Variants in TENM4 observed in about 807,000 individuals in gnomAD.
TENM4 encodes teneurin-4.
In TENM4, 82 loss-of-function variants were observed where a neutral mutation model predicts 243.3. The observed-to-expected ratio is 0.34, with a 90% CI of 0.28 to 0.40. The LOEUF (loss-of-function observed/expected upper bound fraction) is 0.40, where lower values mean the gene tolerates loss of function less well. TENM4 is among the 10% of genes least tolerant of loss of function. The pLI, the probability that TENM4 is intolerant of heterozygous loss-of-function variation, is 1.00. For missense variants in TENM4, 3,138 were observed against 3,673.3 expected, an observed-to-expected ratio of 0.85 and a Z score of 3.77; for synonymous variants, 1,412 against 1,456.3, an observed-to-expected ratio of 0.97 and a Z score of 0.69.
chr11:78,768,975 C>T (rs1037119693), intron 18 of TENM4, among the ~76,000 whole-genome samples: 9 of 152,212 alleles, frequency 5.9e-5, no homozygotes, highest in Non-Finnish European at 8.8e-5. Flanking sequence ...CTATAACCTA[C>T]GCTTGTATGT....
chr11:78,824,117 G>A lies in TENM4; in HGVS notation c.1682-9722C>T, dbSNP rs977636578. 4.6e-5 allele frequency among the ~76,000 whole-genome samples: 7 copies of A among 152,078 alleles called. No homozygotes were observed. In the East Asian group the frequency reaches 9.7e-4, roughly 21 times the overall value. Reference sequence around the variant, plus strand: ...TCTACCATACCACAACTGCCAATCCGGTTAAAAAAATAAAAGCATGCTGTA... The same window carrying A: ...TCTACCATACCACAACTGCCAATCCAGTTAAAAAAATAAAAGCATGCTGTA... On this transcript the variant is annotated intron_variant, in intron 12 of 33. Transcript: ENST00000278550.
chr11:78,863,479 A>G (rs1280029386), intron 9 of TENM4, among the ~76,000 whole-genome samples: 2 of 152,248 alleles, frequency 1.3e-5, no homozygotes, highest in Admixed American at 1.3e-4. Flanking sequence ...ACGCAAAAAT[A>G]ACTTGTACAA....
At position 78,965,616 on chromosome 11, in the gene TENM4, G is replaced by A. The variant is rs376614316; in HGVS notation, c.494-62093C>T. Reference sequence around the variant, plus strand: ...GTTCCAGAACTAAGTAAATTGTTCCGTCATAAACTTCAGAAGCCCTGGGGT... The same window carrying A: ...GTTCCAGAACTAAGTAAATTGTTCCATCATAAACTTCAGAAGCCCTGGGGT... On this transcript the variant is annotated intron_variant, in intron 6 of 33. Coordinates refer to ENST00000278550, the MANE Select transcript of TENM4 (RefSeq NM_001098816.3). Among the ~76,000 whole-genome samples the A allele has an allele frequency of 1.8e-4, 28 of 152,266 alleles. No individual in the cohort carries two copies. In the South Asian group the frequency reaches 3.9e-3, roughly 21 times the overall value.
chr11:79,335,011 G>C (rs1258864133), intron 1 of TENM4, among the ~76,000 whole-genome samples: 2 of 152,162 alleles, frequency 1.3e-5, no homozygotes, highest in African/African-American at 4.8e-5. Flanking sequence ...TCAAAGCCTA[G>C]CTCAGCTTAC....
At chr11:78,728,177 G>A (rs1218787320) in intron 22 of TENM4, among the ~76,000 whole-genome samples, 1 of 152,232 alleles carries the variant, frequency 6.6e-6, no homozygotes, top group Admixed American at 6.5e-5. Context: ...AACAGTGAGA[G>A]ATGGCACCTT....
chr11:78,689,611 C>T (rs866537770), intron 28 of TENM4, among the ~76,000 whole-genome samples: 5 of 152,274 alleles, frequency 3.3e-5, no homozygotes, highest in Middle Eastern at 3.4e-3. Context: ...CTGGGCCTGG[C>T]TTCTTGCTGG....
intron 5 of TENM4, among the ~76,000 whole-genome samples, chr11:79,065,522 C>T (rs1591255134): frequency 6.6e-6 from 1 of 152,322 alleles, no homozygotes; most frequent in East Asian, 1.9e-4. Context: ...CCAGGGAGGA[C>T]TTTTCAGCAA....
chr11:79,124,705 T>A (rs1167996776), intron 4 of TENM4, among the ~76,000 whole-genome samples: 2 of 134,400 alleles, frequency 1.5e-5, no homozygotes, highest in Non-Finnish European at 3.1e-5. Context: ...CTAGAACCAC[T>A]CCTGGTACCA....
intron 12 of TENM4, among the ~76,000 whole-genome samples, chr11:78,816,885 G>A (rs1857614990): frequency 6.6e-6 from 1 of 152,196 alleles, no homozygotes; most frequent in South Asian, 2.1e-4. Context: ...CTGGAGGTAA[G>A]AAAACCTAGT....
chr11:79,215,982 C>G, intron 2 of TENM4, 73 bp from the exon 3 acceptor site: 1 of 401,400 alleles, frequency 2.5e-6, no homozygotes, highest in Non-Finnish European at 3.4e-6. Context: ...ACAGACCCTC[C>G]GCTCCAGCAG....
intron 19 of TENM4, among the ~76,000 whole-genome samples, chr11:78,751,945 G>A (rs1033150830): frequency 3.3e-5 from 5 of 152,186 alleles, no homozygotes; most frequent in African/African-American, 9.7e-5. Context: ...CCATGGGAGG[G>A]ACAAGTATTC....
At chr11:79,343,640 C>G (rs1475444342) in intron 1 of TENM4, among the ~76,000 whole-genome samples, 1 of 151,240 alleles carries the variant, frequency 6.6e-6, no homozygotes, top group Non-Finnish European at 1.5e-5. Context: ...AAAGAAAATA[C>G]AGTGTAGCTA....
intron 6 of TENM4, among the ~76,000 whole-genome samples, chr11:78,976,218 C>G (rs1163361077): frequency 6.6e-6 from 1 of 152,090 alleles, no homozygotes; most frequent in East Asian, 1.9e-4. Context: ...GGGCTTCCAG[C>G]CTAGGCCTCC....
At chr11:79,028,985 A>T (rs1424751769) in intron 6 of TENM4, among the ~76,000 whole-genome samples, 3 of 152,208 alleles carry the variant, frequency 2.0e-5, no homozygotes, top group Admixed American at 6.5e-5. Flanking sequence ...GTCTTGAGAA[A>T]TTGGCCATAA....
chr11:79,326,453 T>G (rs1024604157), intron 1 of TENM4, among the ~76,000 whole-genome samples: 1 of 152,204 alleles, frequency 6.6e-6, no homozygotes, highest in African/African-American at 2.4e-5. Context: ...AAAGCAAGCA[T>G]GGACTCCCCA....
At chr11:78,661,699 G>T in intron 32 of TENM4, 108 bp from the exon 33 acceptor site, 1 of 1,411,064 alleles carries the variant, frequency 7.1e-7, no homozygotes, top group Non-Finnish European at 9.7e-7. Context: ...TGAGGGTGTG[G>T]ATTGCTGCTG....
At chr11:79,302,278 G>A (rs1218162309) in intron 1 of TENM4, among the ~76,000 whole-genome samples, 4 of 152,290 alleles carry the variant, frequency 2.6e-5, no homozygotes, top group Admixed American at 6.5e-5. Context: ...TCTAATTTAA[G>A]CCTATTCAAG....
Position 78,701,624 on chromosome 11 carries a change from C to G in TENM4, c.4989G>C (p.Val1663=). The change falls in exon 28 of 34, where the codon GTG becomes GTC. Residue 1663 remains valine (V), a synonymous_variant. Coordinates refer to ENST00000278550, the MANE Select transcript of TENM4 (RefSeq NM_001098816.3). ...TMGTNSALKS[V]TTQGHELAMM... ...TGGCCAACTCGTGTCCTTGTGTGGTCACACTCTTGAGTGCACTGTTGGTGC... is the reference window on the plus strand; with the variant it reads ...TGGCCAACTCGTGTCCTTGTGTGGTGACACTCTTGAGTGCACTGTTGGTGC... 1 of 1,613,408 alleles carries G rather than the reference C, an allele frequency of 6.2e-7. No individual in the cohort carries two copies. Among genetic ancestry groups the G allele is most frequent in the South Asian group, 1.1e-5 (1 of 91,064 alleles).
rs1856962769 is a variant in TENM4, at chr11:78,787,342, C to G, written c.2180-259G>C. On this transcript the variant is annotated intron_variant, in intron 15 of 33. Coordinates refer to ENST00000278550, the MANE Select transcript of TENM4 (RefSeq NM_001098816.3). ...GAAGCCTGCCCTGTGCCTGTTTCCCCACCAAAAGAGGAAGGATTGTAGGGC... is the reference window on the plus strand; with the variant it reads ...GAAGCCTGCCCTGTGCCTGTTTCCCGACCAAAAGAGGAAGGATTGTAGGGC... Among the ~76,000 whole-genome samples the G allele has an allele frequency of 2.0e-5, 3 of 152,200 alleles. No individual in the cohort carries two copies. In the South Asian group the frequency reaches 6.2e-4, roughly 31 times the overall value.
Sources: gnomAD v4.1 joint callset for allele counts (sites outside exome capture counted in the v4.1 genomes callset) on GRCh38, gnomAD v4.1.1 for gene constraint, MANE v1.5 for transcripts, NCBI Gene and HGNC (gene_info 2026-07-23, HGNC 2026-07-21) for gene names.